Variants in SLC30A7 observed in about 807,000 individuals in gnomAD.
The protein encoded by SLC30A7 is zinc transporter 7.
Under a neutral mutation model 46.0 loss-of-function variants are expected in SLC30A7, and 35 were observed. The ratio of observed to expected loss-of-function variants is 0.76; its 90% CI spans 0.58 to 1.01. The LOEUF is 1.01. Among genes scored for constraint, SLC30A7 ranks in the 50% least tolerant of loss-of-function variants. SLC30A7 has a pLI of 0.00. For missense variants in SLC30A7, 464 were observed against 451.1 expected, an observed-to-expected ratio of 1.03 and a Z score of -0.26; for synonymous variants, 147 against 157.8, an observed-to-expected ratio of 0.93 and a Z score of 0.51.
At chr1:100,936,448 C>A (rs189197090) in intron 8 of SLC30A7, among the ~76,000 whole-genome samples, 1 of 151,910 alleles carries the variant, frequency 6.6e-6, no homozygotes, top group Non-Finnish European at 1.5e-5. Context: ...AGACTCCTGC[C>A]CTAAGTCTCA....
chr1:100,957,123 C>G (rs1232595839), intron 8 of SLC30A7, among the ~76,000 whole-genome samples: 4 of 152,162 alleles, frequency 2.6e-5, no homozygotes, highest in African/African-American at 4.8e-5. Context: ...GTCTAACGAC[C>G]TGATCTGTTC....
intron 8 of SLC30A7, among the ~76,000 whole-genome samples, chr1:100,948,605 G>A (rs1011158234): frequency 6.6e-6 from 1 of 152,104 alleles, no homozygotes; most frequent in Non-Finnish European, 1.5e-5. Flanking sequence ...GCTAGGTTGG[G>A]GACGTTCTCC....
chr1:100,945,733 T>C (rs1040278307), intron 8 of SLC30A7, among the ~76,000 whole-genome samples: 4 of 152,216 alleles, frequency 2.6e-5, no homozygotes, highest in Admixed American at 2.6e-4. Context: ...TGCCTCCAGC[T>C]TTGTTCTTTT....
At chr1:100,942,608 G>A (rs1164864692) in intron 8 of SLC30A7, among the ~76,000 whole-genome samples, 1 of 152,082 alleles carries the variant, frequency 6.6e-6, no homozygotes, top group African/African-American at 2.4e-5. Context: ...TGGCCATCTG[G>A]GAAACACAAA....
chr1:100,966,630 G>A (rs950571210), intron 10 of SLC30A7, among the ~76,000 whole-genome samples: 1 of 152,026 alleles, frequency 6.6e-6, no homozygotes, highest in Admixed American at 6.6e-5. Context: ...AACACAGACA[G>A]AGTCAAGTTT....
At chr1:100,927,730 A>G (rs922697975) in intron 8 of SLC30A7, among the ~76,000 whole-genome samples, 6 of 152,308 alleles carry the variant, frequency 3.9e-5, no homozygotes, top group Middle Eastern at 3.4e-3. Context: ...ACTGACAGTG[A>G]GAAAGGGGCA....
At chr1:100,908,162 T>C (rs965850186) in intron 3 of SLC30A7, among the ~76,000 whole-genome samples, 1 of 152,104 alleles carries the variant, frequency 6.6e-6, no homozygotes, top group Admixed American at 6.6e-5. Context: ...AGCCATCTTC[T>C]TTCATGTACT....
rs577797342 is a variant in SLC30A7 at position 100,916,366 on chromosome 1, T to C, written c.656-1711T>C. On this transcript the variant is annotated intron_variant, in intron 6 of 10. Transcript: ENST00000357650. Reference sequence around the variant, plus strand: ...ACACCCAGCTAACTTTTTGTATTTTTAGTAGAGACGAGGTTTCACCGTGTT... The same window carrying C: ...ACACCCAGCTAACTTTTTGTATTTTCAGTAGAGACGAGGTTTCACCGTGTT... Among the ~76,000 whole-genome samples the C allele has an allele frequency of 5.3e-5, 8 of 152,228 alleles. No homozygotes were observed. The East Asian group carries it at 1.2e-3, about 22-fold the overall frequency.
intron 8 of SLC30A7, among the ~76,000 whole-genome samples, chr1:100,928,233 T>C (rs887411728): frequency 1.3e-5 from 2 of 152,070 alleles, no homozygotes; most frequent in Non-Finnish European, 2.9e-5. Flanking sequence ...AGGGAAGAAG[T>C]AGTAGGAACT....
chr1:100,907,416 A>G (rs929960736), intron 3 of SLC30A7, among the ~76,000 whole-genome samples: 1 of 152,152 alleles, frequency 6.6e-6, no homozygotes, highest in African/African-American at 2.4e-5. Flanking sequence ...ACAATTAATC[A>G]AATATTTGTA....
chr1:100,916,891 T>G (rs1393712753), intron 6 of SLC30A7, among the ~76,000 whole-genome samples: 1 of 152,108 alleles, frequency 6.6e-6, no homozygotes. Context: ...TCTTTGACCA[T>G]TTTAAAATCA....
Position 100,975,845 on chromosome 1 carries a change from T to G in SLC30A7, c.*988T>G, listed in dbSNP as rs925037388. 9 of 151,216 alleles carry G rather than the reference T, an allele frequency of 6.0e-5. No individual in the cohort carries two copies. Among genetic ancestry groups the G allele is most frequent in the Non-Finnish European group, 1.2e-4 (8 of 67,792 alleles). The allele number at this position is 151,216 out of a possible 1,614,324, so 9.4% of individuals were successfully genotyped here. ...CCGGCTATGTTTTTTTTTTTTTTTT[T>G]TTTTTTTTTTAACAATGGATATTCT... is the stretch of plus-strand genomic sequence containing the variant. On this transcript the variant is annotated 3_prime_UTR_variant, in exon 11 of 11. Transcript: ENST00000357650.
intron 2 of SLC30A7, among the ~76,000 whole-genome samples, chr1:100,904,819 A>T (rs547932767): frequency 9.7e-4 from 148 of 152,202 alleles, no homozygotes; most frequent in African/African-American, 3.5e-3. Flanking sequence ...GGTATTTGTT[A>T]ACTTTAACCC....
At chr1:100,952,044 C>T (rs989705700) in intron 8 of SLC30A7, among the ~76,000 whole-genome samples, 2 of 152,046 alleles carry the variant, frequency 1.3e-5, no homozygotes, top group South Asian at 2.1e-4. Context: ...AGGAAGAGGC[C>T]GGGGCCAAGG....
At chr1:100,964,567 C>G (rs1655766587) in intron 9 of SLC30A7, among the ~76,000 whole-genome samples, 2 of 152,018 alleles carry the variant, frequency 1.3e-5, no homozygotes, top group South Asian at 4.1e-4. Flanking sequence ...AGGTCATCTT[C>G]TTTCTACTGT....
chr1:100,984,410 A>G (rs1657152728), downstream of SLC30A7, among the ~76,000 whole-genome samples: 1 of 152,204 alleles, frequency 6.6e-6, no homozygotes, highest in Non-Finnish European at 1.5e-5. Flanking sequence ...CACGAAAGCA[A>G]TCTCATAAAG....
chr1:100,954,141 C>A (rs1047289476), intron 8 of SLC30A7, among the ~76,000 whole-genome samples: 1 of 152,100 alleles, frequency 6.6e-6, no homozygotes. Flanking sequence ...ATGTTCTAAG[C>A]ATTGTGCTGG....
chr1:100,928,155 C>A (rs1045575612), intron 8 of SLC30A7, among the ~76,000 whole-genome samples: 1 of 152,128 alleles, frequency 6.6e-6, no homozygotes, highest in Non-Finnish European at 1.5e-5. Flanking sequence ...GGAATTGTAA[C>A]CCTGGTAATC....
At chr1:100,930,839 A>G (rs910002040) in intron 8 of SLC30A7, among the ~76,000 whole-genome samples, 1 of 152,160 alleles carries the variant, frequency 6.6e-6, no homozygotes, top group Non-Finnish European at 1.5e-5. Flanking sequence ...TTCTTTAATC[A>G]TGCATAAAAC....
Sources: allele counts gnomAD v4.1 joint callset (sites outside exome capture counted in the v4.1 genomes callset), GRCh38; gene constraint gnomAD v4.1.1; transcripts MANE v1.5; gene names NCBI Gene and HGNC (gene_info 2026-07-23, HGNC 2026-07-21).